Variants in PHLPP2 observed in about 807,000 individuals in gnomAD.
The protein encoded by PHLPP2 is PH domain leucine-rich repeat-containing protein phosphatase 2.
Under a neutral mutation model 124.9 loss-of-function variants are expected in PHLPP2, and 66 were observed. The observed-to-expected ratio is 0.53, with a 90% CI of 0.43 to 0.65. PHLPP2 has a LOEUF of 0.65. Among genes scored for constraint, PHLPP2 ranks in the 30% least tolerant of loss-of-function variants. PHLPP2 has a pLI of 0.00. For synonymous variants in PHLPP2, 681 were observed against 624.7 expected (o/e 1.09, Z -1.34); for missense variants, 1,685 against 1,600.4 (o/e 1.05, Z -0.90).
intron 18 of PHLPP2, among the ~76,000 whole-genome samples, chr16:71,651,749 A>C (rs1281400473): frequency 6.6e-6 from 1 of 152,206 alleles, no homozygotes; most frequent in African/African-American, 2.4e-5. Flanking sequence ...ACACAAATAC[A>C]GTCAACTGAT....
At chr16:71,706,466 T>C (rs1304394169) in intron 2 of PHLPP2, among the ~76,000 whole-genome samples, 4 of 152,194 alleles carry the variant, frequency 2.6e-5, no homozygotes, top group African/African-American at 4.8e-5. Context: ...ATCAAACACA[T>C]GGAATCAAAG....
chr16:71,683,307 T>C (rs1232743330), intron 5 of PHLPP2, among the ~76,000 whole-genome samples: 3 of 152,236 alleles, frequency 2.0e-5, no homozygotes, highest in Non-Finnish European at 2.9e-5. Context: ...TTATTGCTTT[T>C]CAAAGGCTAA....
At chr16:71,671,219 T>G (rs1351423008) in intron 10 of PHLPP2, among the ~76,000 whole-genome samples, 1 of 152,176 alleles carries the variant, frequency 6.6e-6, no homozygotes, top group Non-Finnish European at 1.5e-5. Flanking sequence ...AACATTAGCT[T>G]AAAATGATAA....
At chr16:71,700,692 A>AT (rs1161318328) in intron 3 of PHLPP2, among the ~76,000 whole-genome samples, 1 of 151,654 alleles carries the variant, frequency 6.6e-6, no homozygotes, top group African/African-American at 2.4e-5. Context: ...GGCCCAGCTA[A>AT]TTTTTTGTAT....
At chr16:71,693,550 C>G (rs1230035670) in intron 3 of PHLPP2, among the ~76,000 whole-genome samples, 2 of 152,196 alleles carry the variant, frequency 1.3e-5, no homozygotes, top group South Asian at 2.1e-4. Context: ...ACACCTGAAT[C>G]ACTATCCACA....
rs112662709 is a variant in PHLPP2 at position 71,708,574 on chromosome 16, C to G, written c.285-5843G>C. 2.8e-3 allele frequency among the ~76,000 whole-genome samples: 427 copies of G among 152,252 alleles called. 2 individuals carry two copies. The highest frequency in any genetic ancestry group is 9.3e-3 in the African/African-American group (386 of 41,558). On this transcript the variant is annotated intron_variant, in intron 2 of 18. Transcript: ENST00000568954. ...GGTCTCTTCGCACGGATGTCCCTGA[C>G]AAAGAGATCAAGACCATCCTGGCCA...
intron 5 of PHLPP2, among the ~76,000 whole-genome samples, chr16:71,682,724 C>G (rs1384118622): frequency 1.3e-5 from 2 of 152,300 alleles, no homozygotes; most frequent in East Asian, 3.9e-4. Context: ...GTACTTAAAA[C>G]TGGGACTAGT....
At chr16:71,718,195 ATTTTTCTTCTGTGAGGAT>A (rs1180288208) in intron 1 of PHLPP2, among the ~76,000 whole-genome samples, 1 of 151,880 alleles carries the variant, frequency 6.6e-6, no homozygotes, top group Non-Finnish European at 1.5e-5. Context: ...ACCAGGCCTG[ATTTTTCTTCTGTGAGGAT>A]TTTTAACAGT....
chr16:71,659,531 A>G (rs1230613673), intron 13 of PHLPP2, among the ~76,000 whole-genome samples: 5 of 152,154 alleles, frequency 3.3e-5, no homozygotes, highest in Non-Finnish European at 5.9e-5. Context: ...TATTATAGGC[A>G]TGAGCCACCG....
At chr16:71,711,614 G>C (rs924493547) in intron 2 of PHLPP2, among the ~76,000 whole-genome samples, 1 of 152,166 alleles carries the variant, frequency 6.6e-6, no homozygotes, top group Non-Finnish European at 1.5e-5. Context: ...AATGGGGACA[G>C]CGTCTACCTC....
rs754293586 is a variant in PHLPP2 at position 71,690,628 on chromosome 16, T to G, written c.500A>C (p.His167Pro). Residue 167 changes from histidine to proline, a missense_variant, in exon 4 of 19, where the codon CAT becomes CCT. Coordinates refer to ENST00000568954, the MANE Select transcript of PHLPP2 (RefSeq NM_015020.3). ...GACAACTAGGCGCTCAGCCCACTTA[T>G]GCAGCTGGGTCTTTCCCTTGCGTAC... ...YNVRKGKTQL[H>P]KWAERLVVLC... is the part of the protein sequence containing the mutation. 5 of 1,612,440 alleles carry G rather than the reference T, an allele frequency of 3.1e-6. No homozygotes were observed. Among genetic ancestry groups the G allele is most frequent in the Non-Finnish European group, 4.2e-6 (5 of 1,178,456 alleles).
chr16:71,720,299 G>C (rs1282965630), intron 1 of PHLPP2, among the ~76,000 whole-genome samples: 2 of 151,528 alleles, frequency 1.3e-5, no homozygotes, highest in Non-Finnish European at 2.9e-5. Context: ...AATATTTTTA[G>C]CAGAGACGGG....
rs2044657216 is a variant in PHLPP2 at position 71,646,908 on chromosome 16, T to C, written c.*1982A>G. ...GAGGGGTTGAACATTAGACATCCATTAGAGTGTACCAAATCCCCCAAGAGT... is the reference window on the plus strand; with the variant it reads ...GAGGGGTTGAACATTAGACATCCATCAGAGTGTACCAAATCCCCCAAGAGT... On this transcript the variant is annotated 3_prime_UTR_variant, in exon 19 of 19. Transcript: ENST00000568954. The C allele has an allele frequency of 6.6e-6, 1 of 152,436 alleles. No homozygotes were observed. Among genetic ancestry groups the C allele is most frequent in the Non-Finnish European group, 1.5e-5 (1 of 68,026 alleles). 9.4% of individuals were successfully genotyped at this position (152,436 alleles called of 1,614,324 possible). A position where few individuals can be genotyped will look rare whatever the true frequency, so the allele number is the denominator to read the frequency against.
Position 71,669,306 on chromosome 16 carries a change from T to C in PHLPP2, c.1597A>G (p.Ser533Gly). 6.2e-7 allele frequency: 1 copy of C among 1,612,228 alleles called. No homozygotes were observed. The highest frequency in any genetic ancestry group is 8.5e-7 in the Non-Finnish European group (1 of 1,179,232). ...EAKKIEVLDVSYNLLTEVPVR... is the reference protein window; with the variant it reads ...EAKKIEVLDVGYNLLTEVPVR... ...GGAACCTCTGTGAGAAGATTATAGC[T>C]CACATCTAATACTTCTATCTTCTTT... is the stretch of plus-strand genomic sequence containing the variant. Residue 533 changes from serine to glycine, a missense_variant, in exon 11 of 19, where the codon AGC becomes GGC. Physicochemically the swap from Ser to Gly is moderately conservative, Grantham distance 56 (BLOSUM62 0). Transcript: ENST00000568954.
At chr16:71,709,281 T>C (rs191177605) in intron 2 of PHLPP2, among the ~76,000 whole-genome samples, 1 of 152,200 alleles carries the variant, frequency 6.6e-6, no homozygotes, top group Non-Finnish European at 1.5e-5. Flanking sequence ...CAAACAAAAT[T>C]TTAGTGACTC....
At chr16:71,680,473 A>G (rs2044986840) in intron 6 of PHLPP2, among the ~76,000 whole-genome samples, 1 of 152,234 alleles carries the variant, frequency 6.6e-6, no homozygotes. Context: ...TGTCTTACCC[A>G]GAGATAGCAT....
At chr16:71,660,906 C>T (rs972824473) in intron 13 of PHLPP2, among the ~76,000 whole-genome samples, 1 of 151,944 alleles carries the variant, frequency 6.6e-6, no homozygotes, top group African/African-American at 2.4e-5. Context: ...TTCTATTGTG[C>T]CTATACAATT....
chr16:71,702,425 C>G (rs561813691), intron 3 of PHLPP2, among the ~76,000 whole-genome samples, 173 bp downstream of exon 3: 4 of 152,126 alleles, frequency 2.6e-5, no homozygotes, highest in Non-Finnish European at 5.9e-5. Context: ...TAAAGTGTTC[C>G]CTTACCCCTG....
At position 71,648,688 on chromosome 16, in the gene PHLPP2, CT is replaced by C. The variant is rs2044670441; in HGVS notation, c.*201del. The C allele has an allele frequency of 1.8e-6, 1 of 560,710 alleles. No individual in the cohort carries two copies. Among genetic ancestry groups the C allele is most frequent in the Admixed American group, 3.0e-5 (1 of 33,062 alleles). 34.7% of individuals were successfully genotyped at this position (560,710 alleles called of 1,614,324 possible). A position where few individuals can be genotyped will look rare whatever the true frequency, so the allele number is the denominator to read the frequency against. On this transcript the variant is annotated 3_prime_UTR_variant, in exon 19 of 19. Coordinates refer to ENST00000568954, the MANE Select transcript of PHLPP2 (RefSeq NM_015020.3). ...TCGGGAGGCTGAGACAGGAGAATGG[CT>C]TGAACCCAGGGACAGAGGCTGCAGT... is the stretch of plus-strand genomic sequence containing the variant.
Sources: gnomAD v4.1 joint callset for allele counts (sites outside exome capture counted in the v4.1 genomes callset) on GRCh38, gnomAD v4.1.1 for gene constraint, MANE v1.5 for transcripts, NCBI Gene and HGNC (gene_info 2026-07-23, HGNC 2026-07-21) for gene names.